Variants in PDE4D observed in about 807,000 individuals in gnomAD.
PDE4D encodes the protein phosphodiesterase 4D, also known as 3',5'-cyclic-AMP phosphodiesterase 4D.
PDE4D carries 24 observed loss-of-function variants against 87.4 expected under a neutral mutation model. That is an observed-to-expected ratio of 0.27 (90% confidence interval 0.20 to 0.39). The LOEUF is 0.39. Among genes scored for constraint, PDE4D ranks in the 10% least tolerant of loss-of-function variants. PDE4D has a pLI of 1.00. For synonymous variants in PDE4D, 384 were observed against 383.2 expected, an observed-to-expected ratio of 1.00 and a Z score of -0.02; for missense variants, 714 against 1,041.0, an observed-to-expected ratio of 0.69 and a Z score of 4.32.
intron 2 of PDE4D, among the ~76,000 whole-genome samples, chr5:60,025,060 G>A (rs1367630457): frequency 1.3e-5 from 2 of 152,100 alleles, no homozygotes; most frequent in East Asian, 3.9e-4. Context: ...TATTTTTGAG[G>A]TGTATTTTTA....
At chr5:59,771,991 C>T (rs764871229) in intron 1 of PDE4D, among the ~76,000 whole-genome samples, 83 of 152,180 alleles carry the variant, frequency 5.5e-4, no homozygotes, top group Admixed American at 9.8e-4. Flanking sequence ...TTACTGTTAA[C>T]CTCCTAAATC....
intron 2 of PDE4D, among the ~76,000 whole-genome samples, chr5:60,175,736 G>A (rs976841551): frequency 1.3e-5 from 2 of 152,080 alleles, no homozygotes; most frequent in Non-Finnish European, 2.9e-5. Context: ...AGGCCAGGGA[G>A]GAAGGGCATT....
intron 5 of PDE4D, among the ~76,000 whole-genome samples, chr5:59,159,906 T>C (rs115062238): frequency 2.0e-5 from 3 of 152,022 alleles, no homozygotes; most frequent in Non-Finnish European, 4.4e-5. Context: ...AGATGAGAAA[T>C]TAAAGTGCAG....
At chr5:59,930,219 C>G (rs896338146) in intron 3 of PDE4D, among the ~76,000 whole-genome samples, 4 of 150,524 alleles carry the variant, frequency 2.7e-5, no homozygotes, top group Non-Finnish European at 4.4e-5. Flanking sequence ...CATCTGGAAC[C>G]TGTAAATGTG....
intron 2 of PDE4D, among the ~76,000 whole-genome samples, chr5:60,003,708 A>G (rs1209378526): frequency 2.3e-5 from 2 of 87,968 alleles, no homozygotes; most frequent in Admixed American, 1.2e-4. Flanking sequence ...GACTCCATCT[A>G]AAAAAAAAAA....
chr5:59,950,058 C>T (rs1020335226), intron 3 of PDE4D, among the ~76,000 whole-genome samples: 2 of 152,138 alleles, frequency 1.3e-5, no homozygotes, highest in Non-Finnish European at 1.5e-5. Context: ...ATAGTATAGG[C>T]AGAGTACAGA....
intron 1 of PDE4D, among the ~76,000 whole-genome samples, chr5:59,322,608 G>C (rs1030316696): frequency 6.6e-6 from 1 of 152,076 alleles, no homozygotes; most frequent in Non-Finnish European, 1.5e-5. Context: ...TTATGTTTTA[G>C]GCATTGCAGC....
At chr5:59,532,195 C>T (rs969649153) in intron 1 of PDE4D, among the ~76,000 whole-genome samples, 4 of 152,092 alleles carry the variant, frequency 2.6e-5, no homozygotes, top group South Asian at 4.1e-4. Context: ...AGTGCCGTGG[C>T]GTTATCTCAG....
At chr5:60,260,728 G>A (rs1283274751) in intron 1 of PDE4D, among the ~76,000 whole-genome samples, 8 of 152,032 alleles carry the variant, frequency 5.3e-5, no homozygotes, top group Admixed American at 5.2e-4. Flanking sequence ...TGGAGAAGAT[G>A]AACAATCAAA....
intron 1 of PDE4D, among the ~76,000 whole-genome samples, chr5:60,260,939 C>T (rs928216597): frequency 6.6e-6 from 1 of 152,014 alleles, no homozygotes; most frequent in Non-Finnish European, 1.5e-5. Context: ...TACAAGACAG[C>T]CTGTGAGTCA....
chr5:59,691,709 T>C (rs1237651660), intron 1 of PDE4D, among the ~76,000 whole-genome samples: 1 of 86,272 alleles, frequency 1.2e-5, no homozygotes, highest in Non-Finnish European at 2.3e-5. Flanking sequence ...CCCTAGAACT[T>C]AAAGTATAAT....
intron 3 of PDE4D, among the ~76,000 whole-genome samples, chr5:59,191,768 A>C (rs1212995972): frequency 2.0e-5 from 3 of 152,032 alleles, no homozygotes; most frequent in Non-Finnish European, 2.9e-5. Flanking sequence ...ACAGGGTTTC[A>C]TCAAGTTGGC....
At chr5:59,062,229 A>T (rs184673200) in intron 5 of PDE4D, among the ~76,000 whole-genome samples, 45 of 152,234 alleles carry the variant, frequency 3.0e-4, no homozygotes, top group Admixed American at 1.3e-3. Flanking sequence ...CCAAACATAT[A>T]AGATCTATTA....
At chr5:59,691,127 T>C (rs957273469) in intron 1 of PDE4D, among the ~76,000 whole-genome samples, 13 of 152,232 alleles carry the variant, frequency 8.5e-5, no homozygotes, top group Admixed American at 7.2e-4. Flanking sequence ...TTGGTGGGAC[T>C]GTAAACTAGT....
intron 1 of PDE4D, among the ~76,000 whole-genome samples, chr5:59,304,851 A>G (rs1243812160): frequency 6.6e-6 from 1 of 151,980 alleles, no homozygotes; most frequent in Non-Finnish European, 1.5e-5. Context: ...ATTGATCTGT[A>G]GTTTTCTTTT....
intron 1 of PDE4D, among the ~76,000 whole-genome samples, chr5:59,589,754 G>T (rs76668839): frequency 6.6e-6 from 1 of 151,958 alleles, no homozygotes; most frequent in Non-Finnish European, 1.5e-5. Flanking sequence ...TTCCATTTGC[G>T]GGCAATGATA....
intron 1 of PDE4D, among the ~76,000 whole-genome samples, chr5:59,536,836 T>G (rs1362778465): frequency 6.6e-6 from 1 of 152,216 alleles, no homozygotes; most frequent in African/African-American, 2.4e-5. Context: ...CTAAATACAA[T>G]GTTTACCACC....
chr5:59,867,351 A>G (rs1386778297), intron 1 of PDE4D, among the ~76,000 whole-genome samples: 1 of 152,192 alleles, frequency 6.6e-6, no homozygotes, highest in East Asian at 1.9e-4. Context: ...CTAAAAAAAA[A>G]AGATTAACTT....
At chr5:60,395,303 T>TA in intron 1 of PDE4D, among the ~76,000 whole-genome samples, 1 of 66,120 alleles carries the variant, frequency 1.5e-5, no homozygotes, top group Non-Finnish European at 2.8e-5. Flanking sequence ...AAATGTAAGG[T>TA]TTTTTTTTTA....
Sources: allele counts gnomAD v4.1 joint callset (sites outside exome capture counted in the v4.1 genomes callset), GRCh38; gene constraint gnomAD v4.1.1; transcripts MANE v1.5; gene names NCBI Gene and HGNC (gene_info 2026-07-23, HGNC 2026-07-21).